ANKRD16: variants seen among roughly 807,000 people sequenced by gnomAD.
ANKRD16 encodes ankyrin repeat domain 16.
In ANKRD16, 35 loss-of-function variants were observed where a neutral mutation model predicts 37.9. The ratio of observed to expected loss-of-function variants is 0.92; its 90% confidence interval spans 0.71 to 1.23. The LOEUF is 1.23. Among genes scored for constraint, ANKRD16 ranks in the 50% most tolerant of loss-of-function variants. The probability of loss-of-function intolerance (pLI) is 0.00; values close to 1 mark genes in which losing one functional copy is unlikely to be tolerated. For synonymous variants in ANKRD16, 206 were observed against 197.2 expected, an observed-to-expected ratio of 1.04 and a Z score of -0.37; for missense variants, 480 against 469.9, an observed-to-expected ratio of 1.02 and a Z score of -0.20.
At chr10:5,885,599 T>C in intron 3 of ANKRD16, 124 bp downstream of exon 3, 1 of 961,664 alleles carries the variant, frequency 1.0e-6, no homozygotes, top group South Asian at 1.5e-5. Flanking sequence ...TGTCTTTTGT[T>C]CATTTTTCTT....
At chr10:5,872,799 G>A (rs566322021) in intron 7 of ANKRD16, among the ~76,000 whole-genome samples, 27 of 151,786 alleles carry the variant, frequency 1.8e-4, no homozygotes, top group African/African-American at 6.0e-4. Flanking sequence ...CTCGTGATCT[G>A]CCCCCCTTGG....
rs781709402 is a variant in ANKRD16 at position 5,889,114 on chromosome 10, T to C, written c.241A>G (p.Met81Val). ...YKRPLHEAASMGHRDCVRYLL... is the reference protein window; with the variant it reads ...YKRPLHEAASVGHRDCVRYLL... ...TAGCGCACGCAGTCTCGGTGGCCCA[T>C]GGAGGCCGCCTCGTGCAGAGGCCGC... Residue 81 changes from methionine (M) to valine (V), a missense_variant, in exon 1 of 8, where the codon ATG (methionine) becomes GTG (valine). By Grantham distance (21) the Met-to-Val change is conservative. Transcript: ENST00000380094. The C allele has an allele frequency of 1.3e-6, 2 of 1,594,118 alleles. No individual in the cohort carries two copies. Among genetic ancestry groups the C allele is most frequent in the East Asian group, 4.5e-5 (2 of 44,534 alleles).
rs1420904140 is a variant in ANKRD16, at chr10:5,881,739, G to A, written c.849+1267C>T. On this transcript the variant is annotated intron_variant, in intron 5 of 7. Coordinates refer to ENST00000380094, the MANE Select transcript of ANKRD16 (RefSeq NM_019046.3). The stretch of plus-strand genomic sequence containing the variant: ...GTCTCACTCTGTCGTCCAGGCTGGA[G>A]TGCGGTGGTGCGATCTCGGCTCACT... 2.0e-5 allele frequency among the ~76,000 whole-genome samples: 3 copies of A among 146,484 alleles called. No individual in the cohort carries two copies. The Admixed American group carries it at 2.1e-4, about 10-fold the overall frequency.
intron 5 of ANKRD16, 28 bp downstream of exon 5, chr10:5,882,978 T>A (rs751385626): frequency 1.1e-5 from 17 of 1,606,742 alleles, no homozygotes; most frequent in Non-Finnish European, 1.4e-5. Context: ...TCAGGGAAGC[T>A]CGGACAACGT....
In ANKRD16 at chr10:5,865,871, ACTT is replaced by A. The variant is rs1159666357; in HGVS notation, c.*34-3183_*34-3181del. On this transcript the variant is annotated intron_variant, in intron 7 of 7. Coordinates refer to ENST00000380094, the MANE Select transcript of ANKRD16 (RefSeq NM_019046.3). This position sits in a 1 kb window ranked among gnomAD's most constrained non-coding sequence, Gnocchi z 4.7. ...GCCTTAAGCCTTCCCACAGGACAAA[ACTT>A]CTCTTTATACATCACAGAGAGAGCA... Among the ~76,000 whole-genome samples, 1 of 152,108 alleles carries A rather than the reference ACTT, an allele frequency of 6.6e-6. No individual in the cohort carries two copies. Among genetic ancestry groups the A allele is most frequent in the East Asian group, 1.9e-4 (1 of 5,194 alleles).
intron 4 of ANKRD16, 23 bp downstream of exon 4, chr10:5,883,946 T>C: frequency 6.2e-7 from 1 of 1,606,326 alleles, no homozygotes; most frequent in Non-Finnish European, 8.5e-7. Flanking sequence ...ACCAAAAGAA[T>C]AAAAACACAA....
In ANKRD16 at chr10:5,887,951, G is replaced by A; in HGVS notation, c.431C>T (p.Ala144Val). The change falls in exon 2 of 8, where the codon GCC becomes GTC. Residue 144 changes from alanine (A) to valine (V), a missense_variant. By Grantham distance (64) the Ala-to-Val change is moderately conservative. Coordinates refer to ENST00000380094, the MANE Select transcript of ANKRD16 (RefSeq NM_019046.3). The stretch of plus-strand genomic sequence containing the variant: ...GATCAGAGGGTCGCCTTCTCGACTG[G>A]CAATGTGGAAACTGTTCCAGCCATC... ...NKDGWNSFHI[A>V]SREGDPLILQ... 3 of 1,614,200 alleles carry A rather than the reference G, an allele frequency of 1.9e-6. No individual in the cohort carries two copies. Among genetic ancestry groups the A allele is most frequent in the Non-Finnish European group, 2.5e-6 (3 of 1,180,030 alleles).
chr10:5,863,696 C>G lies in ANKRD16; in HGVS notation c.*34-1005G>C, dbSNP rs1589010879. ...CTGCTGCTCATTCTTTGGGTCCACA[C>G]CAACTTTAAGAGCCATAACACTCAC... On this transcript the variant is annotated intron_variant, in intron 7 of 7. Coordinates refer to ENST00000380094, the MANE Select transcript of ANKRD16 (RefSeq NM_019046.3). The surrounding 1 kb of genome is among the most constrained non-coding windows in gnomAD (Gnocchi z 4.7). 6.6e-6 allele frequency among the ~76,000 whole-genome samples: 1 copy of G among 152,110 alleles called. No individual in the cohort carries two copies. The highest frequency in any genetic ancestry group is 2.4e-5 in the African/African-American group (1 of 41,376).
At position 5,878,180 on chromosome 10, in the gene ANKRD16, G is replaced by A; in HGVS notation, c.1036C>T (p.Pro346Ser). The A allele has an allele frequency of 6.2e-7, 1 of 1,614,150 alleles. No homozygotes were observed. The highest frequency in any genetic ancestry group is 8.5e-7 in the Non-Finnish European group (1 of 1,180,014). The change falls in exon 7 of 8, where the codon CCA becomes TCA. Residue 346 changes from proline to serine, a missense_variant. Physicochemically the swap from Pro to Ser is moderately conservative, Grantham distance 74. Coordinates refer to ENST00000380094, the MANE Select transcript of ANKRD16 (RefSeq NM_019046.3). This position sits in a 1 kb window ranked among gnomAD's most constrained non-coding sequence, Gnocchi z 5.1. ...DITGTLAQQL[P>S]RRADVLQGSG... The stretch of plus-strand genomic sequence containing the variant: ...CCCTGAAGGACATCTGCTCTCCTTG[G>A]GAGCTGCTGAGCCAGGGTGCCCGTG...
chr10:5,873,175 G>A (rs541709086), intron 7 of ANKRD16, among the ~76,000 whole-genome samples: 19 of 152,046 alleles, frequency 1.2e-4, no homozygotes, highest in African/African-American at 2.7e-4. Flanking sequence ...AACTACAGTC[G>A]CATGCCACCA....
In ANKRD16 at chr10:5,866,021, C is replaced by T. The variant is rs533282609; in HGVS notation, c.*34-3330G>A. 1.0e-3 allele frequency among the ~76,000 whole-genome samples: 153 copies of T among 152,188 alleles called. No individual in the cohort carries two copies. The highest frequency in any genetic ancestry group is 6.2e-4 in the South Asian group (3 of 4,816). ...CCTCACTGTTTATGGGTAGTTGCAG[C>T]GGTGGCCGTCTCAGTGTTAGAGGCT... On this transcript the variant is annotated intron_variant, in intron 7 of 7. Transcript: ENST00000380094. This position sits in a 1 kb window ranked among gnomAD's most constrained non-coding sequence, Gnocchi z 4.3.
intron 7 of ANKRD16, among the ~76,000 whole-genome samples, chr10:5,873,237 A>G (rs957542272): frequency 2.0e-5 from 3 of 151,918 alleles, no homozygotes; most frequent in South Asian, 2.1e-4. Context: ...TCACTGTGTT[A>G]GCCAGGATGG....
chr10:5,882,993 A>G lies in ANKRD16; in HGVS notation c.849+13T>C, dbSNP rs548328283. Reference sequence around the variant, plus strand: ...TCAGGGAAGCTCGGACAACGTTATAAGAAGTAACAAACCTTAGCTGCATAA... The same window carrying G: ...TCAGGGAAGCTCGGACAACGTTATAGGAAGTAACAAACCTTAGCTGCATAA... On this transcript the variant is annotated intron_variant, in intron 5 of 7. Transcript: ENST00000380094. 1.9e-6 allele frequency: 3 copies of G among 1,611,734 alleles called. No individual in the cohort carries two copies. The highest frequency in any genetic ancestry group is 2.5e-6 in the Non-Finnish European group (3 of 1,179,758).
In ANKRD16 at chr10:5,866,814, G is replaced by A. The variant is rs1842021134; in HGVS notation, c.*34-4123C>T. Among the ~76,000 whole-genome samples the A allele has an allele frequency of 1.3e-5, 2 of 152,012 alleles. No homozygotes were observed. Among genetic ancestry groups the A allele is most frequent in the African/African-American group, 4.8e-5 (2 of 41,384 alleles). ...AAAGAGAGGAAGAGACAGAGACAAA[G>A]GAGTCAAAGAGGGAGACAGAGAGAG... On this transcript the variant is annotated intron_variant, in intron 7 of 7. Transcript: ENST00000380094. This position sits in a 1 kb window ranked among gnomAD's most constrained non-coding sequence, Gnocchi z 4.3.
chr10:5,889,488 A>G lies in ANKRD16; in HGVS notation c.-134T>C, dbSNP rs1035991536. On this transcript the variant is annotated 5_prime_UTR_variant, in exon 1 of 8. Coordinates refer to ENST00000380094, the MANE Select transcript of ANKRD16 (RefSeq NM_019046.3). ...CCCCGCGCGCCCCGAACCCGGCAGA[A>G]CCGCCCCTCACGCCCCCGGCTTTGT... 33 of 526,926 alleles carry G rather than the reference A, an allele frequency of 6.3e-5. No individual in the cohort carries two copies. Among genetic ancestry groups the G allele is most frequent in the Non-Finnish European group, 8.2e-5 (31 of 379,838 alleles). The allele number at this position is 526,926 out of a possible 1,614,324, so 32.6% of individuals were successfully genotyped here.
intron 4 of ANKRD16, among the ~76,000 whole-genome samples, chr10:5,883,743 T>C (rs952512796): frequency 6.6e-6 from 1 of 152,240 alleles, no homozygotes; most frequent in Admixed American, 6.5e-5. Context: ...CTGCTTTATG[T>C]ACATTATATT....
chr10:5,873,216 C>T (rs930251623), intron 7 of ANKRD16, among the ~76,000 whole-genome samples: 3 of 151,778 alleles, frequency 2.0e-5, no homozygotes, highest in Non-Finnish European at 4.4e-5. Flanking sequence ...ATTTTTAGTA[C>T]AGACAGGGTT....
In ANKRD16 at chr10:5,869,492, C is replaced by T. The variant is rs182149669; in HGVS notation, c.*34-6801G>A. Among the ~76,000 whole-genome samples, 168 of 152,218 alleles carry T rather than the reference C, an allele frequency of 1.1e-3. 1 individual carries two copies. Among genetic ancestry groups the T allele is most frequent in the African/African-American group, 3.9e-3 (163 of 41,542 alleles). Reference sequence around the variant, plus strand: ...CCCTAATGGACTATTTCACCCTTCCCTAACTCGTCAGACCTCCCATACCAC... The same window carrying T: ...CCCTAATGGACTATTTCACCCTTCCTTAACTCGTCAGACCTCCCATACCAC... On this transcript the variant is annotated intron_variant, in intron 7 of 7. Transcript: ENST00000380094. This position sits in a 1 kb window ranked among gnomAD's most constrained non-coding sequence, Gnocchi z 4.0.
rs146211568 is a variant in ANKRD16, at chr10:5,883,505, G to C, written c.688-338C>G. 1.5e-3 allele frequency among the ~76,000 whole-genome samples: 221 copies of C among 152,228 alleles called. 1 individual carries two copies. Among genetic ancestry groups the C allele is most frequent in the African/African-American group, 5.1e-3 (213 of 41,526 alleles). On this transcript the variant is annotated intron_variant, in intron 4 of 7. Coordinates refer to ENST00000380094, the MANE Select transcript of ANKRD16 (RefSeq NM_019046.3). Reference sequence around the variant, plus strand: ...GAGATGGGTTTTAACATGTTGGCTAGGCTGGTCTCAAATTCCTGACCTTAG... The same window carrying C: ...GAGATGGGTTTTAACATGTTGGCTACGCTGGTCTCAAATTCCTGACCTTAG...
Sources: gnomAD v4.1 joint callset for allele counts (sites outside exome capture counted in the v4.1 genomes callset) on GRCh38, gnomAD v4.1.1 for gene constraint, Gnocchi (gnomAD v3.1) non-coding constraint, MANE v1.5 for transcripts, NCBI Gene and HGNC (gene_info 2026-07-23, HGNC 2026-07-21) for gene names.